MCF2L: variants seen among roughly 807,000 people sequenced by gnomAD.
MCF2L encodes the protein MCF.2 cell line derived transforming sequence like.
A neutral mutation model predicts 153.4 loss-of-function variants in MCF2L; 97 were observed. The observed-to-expected ratio is 0.63, with a 90% confidence interval of 0.54 to 0.75. The LOEUF is 0.75. Among genes scored for constraint, MCF2L ranks in the 30% least tolerant of loss-of-function variants. The probability of loss-of-function intolerance (pLI) is 0.00; values close to 1 mark genes in which losing one functional copy is unlikely to be tolerated. For missense variants in MCF2L, 1,347 were observed against 1,495.2 expected (o/e 0.90, Z 1.64); for synonymous variants, 659 against 632.2 (o/e 1.04, Z -0.64).
intron 12 of MCF2L, 130 bp from the exon 13 acceptor site, chr13:113,076,922 C>A: frequency 9.8e-7 from 1 of 1,018,920 alleles, no homozygotes; most frequent in Non-Finnish European, 1.4e-6. Flanking sequence ...CTGCGCTGCG[C>A]TGACAGACCC....
chr13:113,081,624 G>A (rs976883314), intron 16 of MCF2L, among the ~76,000 whole-genome samples: 6 of 152,268 alleles, frequency 3.9e-5, no homozygotes, highest in Admixed American at 2.0e-4. Flanking sequence ...AGCAAAACTC[G>A]TCGGAGGTGG....
At chr13:112,977,531 A>C (rs1351313241) in intron 1 of MCF2L, among the ~76,000 whole-genome samples, 1 of 152,206 alleles carries the variant, frequency 6.6e-6, no homozygotes, top group Non-Finnish European at 1.5e-5. Context: ...AATTTTTGAA[A>C]AATGGTTTTA....
In MCF2L at chr13:113,084,947, G is replaced by A; in HGVS notation, c.2117G>A (p.Ser706Asn). ...KYCQNKPRSE[S>N]LWRQCSDCPF... ...TGTCAGAACAAGCCCCGCTCTGAGA[G>A]CCTGTGGAGACAGTGCTCCGACTGC... is the stretch of plus-strand genomic sequence containing the variant. Residue 706 changes from serine (S) to asparagine (N), a missense_variant, in exon 19 of 30, where the codon AGC becomes AAC. Physicochemically the swap from Ser to Asn is conservative, Grantham distance 46. Coordinates refer to ENST00000535094, the MANE Select transcript of MCF2L (RefSeq NM_001112732.3). 1 of 1,614,076 alleles carries A rather than the reference G, an allele frequency of 6.2e-7. No individual in the cohort carries two copies.
At chr13:113,056,453 G>T (rs980908400) in intron 4 of MCF2L, among the ~76,000 whole-genome samples, 1 of 144,474 alleles carries the variant, frequency 6.9e-6, no homozygotes, top group African/African-American at 2.6e-5. Flanking sequence ...TCGGCGCTGA[G>T]TGGGTGCTGT....
At chr13:113,026,300 G>GTGGGTCGGGGCAGAGT (rs2085301524) in intron 3 of MCF2L, among the ~76,000 whole-genome samples, 5 of 151,522 alleles carry the variant, frequency 3.3e-5, no homozygotes, top group Admixed American at 6.6e-5. Flanking sequence ...CCCCGTGACT[G>GTGGGTCGGGGCAGAGT]CAGGATGAAT....
chr13:113,081,203 C>T lies in MCF2L; in HGVS notation c.1809-10C>T, dbSNP rs1456030065. The T allele has an allele frequency of 1.9e-6, 3 of 1,576,738 alleles. No homozygotes were observed. In the Admixed American group the frequency reaches 5.6e-5, roughly 29 times the overall value. ...TAACCTTTTTTGCTCTCCACATGACCTGCCACCAGGCACGTGATGAGCGAG... is the reference window on the plus strand; with the variant it reads ...TAACCTTTTTTGCTCTCCACATGACTTGCCACCAGGCACGTGATGAGCGAG... On this transcript the variant is annotated splice_polypyrimidine_tract_variant and intron_variant, in intron 15 of 29. Coordinates refer to ENST00000535094, the MANE Select transcript of MCF2L (RefSeq NM_001112732.3).
chr13:113,043,930 T>A (rs1307624090), intron 3 of MCF2L: 2 of 153,028 alleles, frequency 1.3e-5, no homozygotes, highest in African/African-American at 4.8e-5. Flanking sequence ...ACTCCTGGGC[T>A]CCAGTAATCC....
chr13:113,091,114 C>G (rs1280255068), intron 26 of MCF2L: 1 of 1,298,564 alleles, frequency 7.7e-7, no homozygotes, highest in Admixed American at 2.3e-5. Flanking sequence ...TCCTCCTCCT[C>G]TTGCAGCTTC....
At chr13:113,030,053 A>C (rs1304711836) in intron 3 of MCF2L, among the ~76,000 whole-genome samples, 1 of 152,346 alleles carries the variant, frequency 6.6e-6, no homozygotes, top group South Asian at 2.1e-4. Flanking sequence ...TAAGCACTAC[A>C]TCTGACTATA....
chr13:113,033,189 A>T (rs113456072), intron 3 of MCF2L, among the ~76,000 whole-genome samples: 3 of 8,790 alleles, frequency 3.4e-4, no homozygotes, highest in Non-Finnish European at 5.0e-4. Context: ...ACGTGAGTGG[A>T]CCCCGTGACG....
At chr13:112,935,279 TG>T (rs1480063915) in intron 2 of MCF2L, among the ~76,000 whole-genome samples, 1 of 152,190 alleles carries the variant, frequency 6.6e-6, no homozygotes, top group Non-Finnish European at 1.5e-5. Flanking sequence ...TTTTTTGAGA[TG>T]GAGTCTCGCT....
At position 113,087,275 on chromosome 13, in the gene MCF2L, C is replaced by T. The variant is rs868237345; in HGVS notation, c.2414C>T (p.Ser805Leu). 3.1e-6 allele frequency: 5 copies of T among 1,612,662 alleles called. No homozygotes were observed. Among genetic ancestry groups the T allele is most frequent in the Middle Eastern group, 3.5e-4 (2 of 5,750 alleles). The stretch of plus-strand genomic sequence containing the variant: ...CTGGGCAAGCTGCTGATGCAGGGCT[C>T]GTTCAGCGTCTGGACCGACCACAAG... Reference protein sequence around the residue: ...GDLGKLLMQGSFSVWTDHKRG... With the variant: ...GDLGKLLMQGLFSVWTDHKRG... The change falls in exon 22 of 30, where the codon TCG becomes TTG. Residue 805 changes from serine (S) to leucine (L), a missense_variant. This residue lies in a region of MCF2L where 144 missense variants were observed against 238.7 expected (regional missense o/e 0.60). Coordinates refer to ENST00000535094, the MANE Select transcript of MCF2L (RefSeq NM_001112732.3).
In MCF2L at chr13:113,035,300, G is replaced by A. The variant is rs778174093; in HGVS notation, c.279-9971G>A. ...TGAATCGTGCATATTTTACTCTAAG[G>A]CCTGTCTGTAAACCCTAATAAATGA... On this transcript the variant is annotated intron_variant, in intron 3 of 29. Transcript: ENST00000535094. This position sits in a 1 kb window ranked among gnomAD's most constrained non-coding sequence, Gnocchi z 4.4. Among the ~76,000 whole-genome samples, 1 of 152,130 alleles carries A rather than the reference G, an allele frequency of 6.6e-6. No individual in the cohort carries two copies. The highest frequency in any genetic ancestry group is 2.4e-5 in the African/African-American group (1 of 41,428).
upstream of MCF2L, chr13:112,965,189 G>A (rs569145065): frequency 2.0e-5 from 3 of 152,888 alleles, no homozygotes; most frequent in South Asian, 2.1e-4. Flanking sequence ...CACTTCAGAA[G>A]TGCAGTCCTT....
At chr13:113,020,252 T>C (rs1440244207) in intron 2 of MCF2L, among the ~76,000 whole-genome samples, 1 of 151,976 alleles carries the variant, frequency 6.6e-6, no homozygotes, top group East Asian at 1.9e-4. Flanking sequence ...TGTGGGTGAG[T>C]TTCTAAAGCC....
chr13:113,036,630 G>A (rs910314838), intron 3 of MCF2L, among the ~76,000 whole-genome samples: 6 of 152,254 alleles, frequency 3.9e-5, no homozygotes, highest in African/African-American at 1.4e-4. Context: ...TCCCGGCCCC[G>A]CATCCCCAGG....
rs538913094 is a variant in MCF2L, at chr13:113,064,603, T to A, written c.606+183T>A. 6.2e-5 allele frequency: 35 copies of A among 564,992 alleles called. No individual in the cohort carries two copies. The highest frequency in any genetic ancestry group is 1.0e-4 in the Non-Finnish European group (32 of 318,828). 35.0% of individuals were successfully genotyped at this position (564,992 alleles called of 1,614,324 possible). A position where few individuals can be genotyped will look rare whatever the true frequency, so the allele number is the denominator to read the frequency against. ...CATTGTAAAGAAGTAACGTGAGTCA[T>A]AAGTTTGGGAGTGGCTTTCTCTGGG... On this transcript the variant is annotated intron_variant, in intron 6 of 29. Coordinates refer to ENST00000535094, the MANE Select transcript of MCF2L (RefSeq NM_001112732.3). The surrounding 1 kb of genome is among the most constrained non-coding windows in gnomAD (Gnocchi z 6.0).
intron 2 of MCF2L, among the ~76,000 whole-genome samples, chr13:112,942,698 G>A (rs1402771567): frequency 6.6e-6 from 1 of 152,216 alleles, no homozygotes; most frequent in Non-Finnish European, 1.5e-5. Context: ...CTAGTTACGT[G>A]TAAAACGAAG....
At chr13:112,927,166 G>A (rs571190679) in intron 2 of MCF2L, among the ~76,000 whole-genome samples, 9 of 152,200 alleles carry the variant, frequency 5.9e-5, no homozygotes, top group Non-Finnish European at 1.2e-4. Flanking sequence ...GCGGCAAATG[G>A]CATGACCTCA....
Sources: gnomAD v4.1 joint callset for allele counts (sites outside exome capture counted in the v4.1 genomes callset) on GRCh38, gnomAD v4.1.1 for gene constraint, gnomAD v4.1.1 regional missense constraint, Gnocchi (gnomAD v3.1) non-coding constraint, MANE v1.5 for transcripts, NCBI Gene and HGNC (gene_info 2026-07-23, HGNC 2026-07-21) for gene names.